The following VPS26B variants were observed in gnomAD, a reference collection of about 807,000 sequenced individuals.
The protein encoded by VPS26B is VPS26 retromer complex component B.
In VPS26B, 10 loss-of-function variants were observed where a neutral mutation model predicts 33.3. The observed-to-expected ratio is 0.30, with a 90% CI of 0.19 to 0.51. The LOEUF is 0.51. Ranked by LOEUF, VPS26B falls within the 20% of genes least tolerant of loss-of-function variation. The pLI is 0.98. For missense variants in VPS26B, 317 were observed against 452.7 expected (o/e 0.70, Z 2.72); for synonymous variants, 190 against 176.9 (o/e 1.07, Z -0.59).
At chr11:134,229,006 C>T (rs558585760) in intron 1 of VPS26B, among the ~76,000 whole-genome samples, 1 of 152,246 alleles carries the variant, frequency 6.6e-6, no homozygotes, top group South Asian at 2.1e-4. Context: ...CTCATCTGCA[C>T]CGATGACTTA....
rs185344376 is a variant in VPS26B at position 134,242,679 on chromosome 11, C to G, written c.546-440C>G. Among the ~76,000 whole-genome samples, 72 of 152,372 alleles carry G rather than the reference C, an allele frequency of 4.7e-4. 2 individuals carry two copies. Among genetic ancestry groups the G allele is most frequent in the African/African-American group, 1.5e-3 (64 of 41,590 alleles). On this transcript the variant is annotated intron_variant, in intron 3 of 5. Coordinates refer to ENST00000281187, the MANE Select transcript of VPS26B (RefSeq NM_052875.5). ...TGCTGCCTGGCCTGTCGGCCTAGAG[C>G]GGACAGAACTGTGTGCTTTGAGCCA...
chr11:134,242,413 T>C (rs1201571483), intron 3 of VPS26B, among the ~76,000 whole-genome samples: 1 of 152,256 alleles, frequency 6.6e-6, no homozygotes, highest in African/African-American at 2.4e-5. Context: ...TGAATTCTGA[T>C]GTCCATGCCA....
chr11:134,239,658 G>GA (rs1938687400), intron 2 of VPS26B: 1 of 344,790 alleles, frequency 2.9e-6, no homozygotes, highest in African/African-American at 2.1e-5. Context: ...TAAGGGCCGT[G>GA]AAAGGCCCAA....
At chr11:134,241,143 A>C (rs1379908705) in intron 3 of VPS26B, among the ~76,000 whole-genome samples, 1 of 152,136 alleles carries the variant, frequency 6.6e-6, no homozygotes. Context: ...TGGAACTCAA[A>C]TATCCAAAAG....
At chr11:134,226,042 G>T (rs766985797) in intron 1 of VPS26B, among the ~76,000 whole-genome samples, 7 of 152,198 alleles carry the variant, frequency 4.6e-5, no homozygotes, top group Non-Finnish European at 8.8e-5. Context: ...AAGAAATGGT[G>T]TTTCTAAAAA....
intron 2 of VPS26B, among the ~76,000 whole-genome samples, chr11:134,238,349 T>C (rs1215155391): frequency 6.6e-6 from 1 of 152,062 alleles, no homozygotes; most frequent in Non-Finnish European, 1.5e-5. Flanking sequence ...ACATTGTAAG[T>C]CTTGACTGGG....
intron 1 of VPS26B, among the ~76,000 whole-genome samples, chr11:134,232,185 G>A (rs1938564233): frequency 1.1e-5 from 1 of 90,360 alleles, no homozygotes; most frequent in African/African-American, 2.9e-5. Context: ...CCTGAGGACT[G>A]GTGATTGGGA....
intron 1 of VPS26B, among the ~76,000 whole-genome samples, chr11:134,227,742 C>A (rs935673407): frequency 6.6e-6 from 1 of 152,208 alleles, no homozygotes; most frequent in Non-Finnish European, 1.5e-5. Flanking sequence ...AGGAAAATAA[C>A]ATCACTTGGT....
chr11:134,246,667 C>T lies in VPS26B; in HGVS notation c.*1077C>T, dbSNP rs921488974. On this transcript the variant is annotated 3_prime_UTR_variant, in exon 6 of 6. Coordinates refer to ENST00000281187, the MANE Select transcript of VPS26B (RefSeq NM_052875.5). ...GAAGACTGCTGCCACACTTCCGAATCATTCTGCTTGCCAAATAGGTCATCT... is the reference window on the plus strand; with the variant it reads ...GAAGACTGCTGCCACACTTCCGAATTATTCTGCTTGCCAAATAGGTCATCT... The T allele has an allele frequency of 2.0e-5, 3 of 152,406 alleles. No individual in the cohort carries two copies. Among genetic ancestry groups the T allele is most frequent in the African/African-American group, 7.3e-5 (3 of 41,360 alleles). 9.4% of individuals were successfully genotyped at this position (152,406 alleles called of 1,614,324 possible).
At chr11:134,242,236 G>A (rs955413631) in intron 3 of VPS26B, among the ~76,000 whole-genome samples, 12 of 152,174 alleles carry the variant, frequency 7.9e-5, no homozygotes, top group Admixed American at 5.9e-4. Flanking sequence ...TCTTCCTGTA[G>A]CCTGTGCACA....
At chr11:134,237,991 G>C (rs567885072) in intron 2 of VPS26B, among the ~76,000 whole-genome samples, 6 of 152,298 alleles carry the variant, frequency 3.9e-5, no homozygotes, top group African/African-American at 1.4e-4. Flanking sequence ...TAAGCTCAGA[G>C]GAAAAGGCCT....
At chr11:134,231,492 A>G (rs1376468318) in intron 1 of VPS26B, among the ~76,000 whole-genome samples, 1 of 151,944 alleles carries the variant, frequency 6.6e-6, no homozygotes. Context: ...AGGGTGTGGT[A>G]AGCACGAATC....
chr11:134,245,367 A>G lies in VPS26B; in HGVS notation c.865-77A>G, dbSNP rs1264605100. 6.3e-7 allele frequency: 1 copy of G among 1,586,640 alleles called. No individual in the cohort carries two copies. Among genetic ancestry groups the G allele is most frequent in the Non-Finnish European group, 8.6e-7 (1 of 1,160,466 alleles). ...GTCCTTGCCCGAGATTCCCCACGTCAAAGTTGGGAGCCTCTAGGAAACCTG... is the reference window on the plus strand; with the variant it reads ...GTCCTTGCCCGAGATTCCCCACGTCGAAGTTGGGAGCCTCTAGGAAACCTG... On this transcript the variant is annotated intron_variant, in intron 5 of 5. Coordinates refer to ENST00000281187, the MANE Select transcript of VPS26B (RefSeq NM_052875.5). This position sits in a 1 kb window ranked among gnomAD's most constrained non-coding sequence, Gnocchi z 4.7.
chr11:134,226,730 A>T (rs1048291938), intron 1 of VPS26B, among the ~76,000 whole-genome samples: 1 of 152,206 alleles, frequency 6.6e-6, no homozygotes, highest in Non-Finnish European at 1.5e-5. Flanking sequence ...AGAGTTTAGC[A>T]AAGAATTTGC....
At position 134,245,296 on chromosome 11, in the gene VPS26B, G is replaced by C. The variant is rs1011515528; in HGVS notation, c.865-148G>C. 5 of 1,321,744 alleles carry C rather than the reference G, an allele frequency of 3.8e-6. No homozygotes were observed. In the Admixed American group the frequency reaches 1.1e-4, roughly 29 times the overall value. The allele number at this position is 1,321,744 out of a possible 1,614,324, so 81.9% of individuals were successfully genotyped here. On this transcript the variant is annotated intron_variant, in intron 5 of 5. Coordinates refer to ENST00000281187, the MANE Select transcript of VPS26B (RefSeq NM_052875.5). The surrounding 1 kb of genome is among the most constrained non-coding windows in gnomAD (Gnocchi z 4.7). ...CCCTTTTGGCCCACACCAGGGACAG[G>C]GAGGTGCTGGCAGCTGCTGCCTTTG...
chr11:134,239,901 G>T, intron 2 of VPS26B, 90 bp from the exon 3 acceptor site: 1 of 1,449,844 alleles, frequency 6.9e-7, no homozygotes, highest in Non-Finnish European at 9.6e-7. Flanking sequence ...CTTTGTACAG[G>T]CTTCTCTCAA....
At chr11:134,237,492 A>G (rs1309932085) in intron 2 of VPS26B, among the ~76,000 whole-genome samples, 1 of 152,210 alleles carries the variant, frequency 6.6e-6, no homozygotes, top group Non-Finnish European at 1.5e-5. Flanking sequence ...AGTTTAGCAG[A>G]CAATTGGAAG....
In VPS26B at chr11:134,224,946, C is replaced by G. The variant is rs1412527335; in HGVS notation, c.-177C>G. On this transcript the variant is annotated 5_prime_UTR_variant, in exon 1 of 6. Transcript: ENST00000281187. The stretch of plus-strand genomic sequence containing the variant: ...AGCCTCCCCCGGCCGTGCCCCTCCC[C>G]CGTGGAGCCGGCTGTCCGTCGGCGC... The G allele has an allele frequency of 5.8e-6, 2 of 342,492 alleles. No homozygotes were observed. The highest frequency in any genetic ancestry group is 9.5e-6 in the Non-Finnish European group (2 of 210,864). The allele number at this position is 342,492 out of a possible 1,614,324, so 21.2% of individuals were successfully genotyped here.
At chr11:134,242,394 T>C (rs896674090) in intron 3 of VPS26B, among the ~76,000 whole-genome samples, 11 of 152,256 alleles carry the variant, frequency 7.2e-5, no homozygotes, top group Non-Finnish European at 1.5e-4. Flanking sequence ...ACCTGTAATA[T>C]AAGGAGGCTG....
Sources: allele counts gnomAD v4.1 joint callset (sites outside exome capture counted in the v4.1 genomes callset), GRCh38; gene constraint gnomAD v4.1.1; non-coding constraint Gnocchi (gnomAD v3.1); transcripts MANE v1.5; gene names NCBI Gene and HGNC (gene_info 2026-07-23, HGNC 2026-07-21).